The following COBL variants were observed in gnomAD, a reference collection of about 807,000 sequenced individuals.
COBL encodes the protein cordon-bleu WH2 repeat protein.
A neutral mutation model predicts 98.8 loss-of-function variants in COBL; 51 were observed. That is an observed-to-expected ratio of 0.52 (90% CI 0.41 to 0.65). COBL has a LOEUF of 0.65. Ranked by LOEUF, COBL falls within the 30% of genes least tolerant of loss-of-function variation. The pLI is 0.00. For synonymous variants in COBL, 634 were observed against 651.7 expected, an observed-to-expected ratio of 0.97 and a Z score of 0.41; for missense variants, 1,617 against 1,617.5, an observed-to-expected ratio of 1.00 and a Z score of 0.01.
At chr7:51,285,590 G>C (rs1353890924) in intron 1 of COBL, among the ~76,000 whole-genome samples, 1 of 152,180 alleles carries the variant, frequency 6.6e-6, no homozygotes, top group Non-Finnish European at 1.5e-5. Flanking sequence ...ATTGTATGCT[G>C]AGAACTACAA....
rs1790336928 is a variant in COBL, at chr7:51,193,708, GA to G, written c.246-120del. On this transcript the variant is annotated intron_variant, in intron 2 of 12. Coordinates refer to ENST00000265136, the MANE Select transcript of COBL (RefSeq NM_015198.5). ...GAATGAGCAAATTAGATATGCTTAT[GA>G]AAAAAGACAACAGAAGCTCATTAAT... is the stretch of plus-strand genomic sequence containing the variant. 3.6e-6 allele frequency: 3 copies of G among 834,886 alleles called. No homozygotes were observed. In the East Asian group the frequency reaches 8.0e-5, roughly 22 times the overall value. 51.7% of individuals were successfully genotyped at this position (834,886 alleles called of 1,614,324 possible). A position where few individuals can be genotyped will look rare whatever the true frequency, so the allele number is the denominator to read the frequency against.
intron 5 of COBL, among the ~76,000 whole-genome samples, chr7:51,148,092 A>C (rs1313026955): frequency 6.6e-6 from 1 of 152,166 alleles, no homozygotes; most frequent in African/African-American, 2.4e-5. Flanking sequence ...GCAGATATTT[A>C]AGAATGTTAG....
chr7:51,023,524 A>G, intron 12 of COBL, among the ~76,000 whole-genome samples: 1 of 152,202 alleles, frequency 6.6e-6, no homozygotes, highest in East Asian at 1.9e-4. Flanking sequence ...CCCAAGAGCC[A>G]TCACAAATGG....
chr7:51,116,930 TTA>T (rs1448599895), intron 6 of COBL, among the ~76,000 whole-genome samples: 1 of 151,976 alleles, frequency 6.6e-6, no homozygotes, highest in Admixed American at 6.6e-5. Flanking sequence ...TCACTTTCTT[TTA>T]TATATATATT....
chr7:51,210,982 T>C (rs914301082), intron 2 of COBL, among the ~76,000 whole-genome samples: 3 of 152,210 alleles, frequency 2.0e-5, no homozygotes, highest in African/African-American at 7.2e-5. Flanking sequence ...GCCTACTCTC[T>C]GTGGGTTTTC....
chr7:51,242,611 C>T (rs925544257), intron 1 of COBL, among the ~76,000 whole-genome samples: 1 of 152,142 alleles, frequency 6.6e-6, no homozygotes, highest in African/African-American at 2.4e-5. Context: ...CATAAATTGA[C>T]TCTGATCTCT....
At chr7:51,084,215 G>A (rs1371450948) in intron 7 of COBL, among the ~76,000 whole-genome samples, 1 of 152,136 alleles carries the variant, frequency 6.6e-6, no homozygotes, top group African/African-American at 2.4e-5. Context: ...TCTCACTAAA[G>A]GTCCAGAAAC....
intron 1 of COBL, among the ~76,000 whole-genome samples, chr7:51,252,161 G>A (rs1170443537): frequency 2.5e-4 from 38 of 151,970 alleles, no homozygotes; most frequent in African/African-American, 8.9e-4. Flanking sequence ...CTGTGCTTTT[G>A]TTTTGTTTTC....
At chr7:51,278,467 C>T (rs767494702) in intron 1 of COBL, among the ~76,000 whole-genome samples, 8 of 147,768 alleles carry the variant, frequency 5.4e-5, no homozygotes, top group Non-Finnish European at 1.0e-4. Flanking sequence ...GCAACCTCTG[C>T]CTCCCATGTT....
At chr7:51,068,698 T>C (rs937019413) in intron 7 of COBL, among the ~76,000 whole-genome samples, 1 of 152,180 alleles carries the variant, frequency 6.6e-6, no homozygotes, top group Non-Finnish European at 1.5e-5. Context: ...TTATATACTT[T>C]CTTTGTACAT....
chr7:51,080,531 C>A (rs1048181510), intron 7 of COBL, among the ~76,000 whole-genome samples: 3 of 152,148 alleles, frequency 2.0e-5, no homozygotes, highest in Non-Finnish European at 2.9e-5. Flanking sequence ...AGGCCTCCTG[C>A]CTCGGTTTCC....
chr7:51,085,377 G>A, intron 6 of COBL, 73 bp from the exon 7 acceptor site: 1 of 1,410,832 alleles, frequency 7.1e-7, no homozygotes, highest in Non-Finnish European at 9.6e-7. Context: ...GCAGTATTAG[G>A]GTGATTGTGC....
intron 7 of COBL, among the ~76,000 whole-genome samples, chr7:51,064,072 T>C (rs1262825881): frequency 1.3e-5 from 2 of 152,176 alleles, no homozygotes; most frequent in Non-Finnish European, 2.9e-5. Context: ...AGCAACCTGG[T>C]TGTCTGGGAG....
At chr7:51,193,274 C>T (rs975666833) in intron 3 of COBL, 105 bp downstream of exon 3, 7 of 999,082 alleles carry the variant, frequency 7.0e-6, no homozygotes, top group African/African-American at 3.3e-5. Context: ...GCAGCCTCAG[C>T]CACAGCTCTC....
chr7:51,061,717 C>T (rs557694912), intron 7 of COBL, among the ~76,000 whole-genome samples: 1 of 152,154 alleles, frequency 6.6e-6, no homozygotes, highest in Admixed American at 6.5e-5. Context: ...AGGGTCTGAA[C>T]AGAACAAAAA....
intron 7 of COBL, chr7:51,073,075 C>G: frequency 2.9e-6 from 1 of 339,370 alleles, no homozygotes; most frequent in Non-Finnish European, 5.3e-6. Flanking sequence ...GAGTTCTTCA[C>G]AGGAACATTT....
At chr7:51,054,302 C>T (rs889951054) in intron 7 of COBL, among the ~76,000 whole-genome samples, 6 of 152,072 alleles carry the variant, frequency 3.9e-5, no homozygotes, top group East Asian at 1.9e-4. Flanking sequence ...TCCTTATGGA[C>T]GGCTTTTTAA....
intron 1 of COBL, among the ~76,000 whole-genome samples, chr7:51,233,568 G>T (rs145742847): frequency 1.3e-5 from 2 of 152,172 alleles, no homozygotes; most frequent in Non-Finnish European, 2.9e-5. Context: ...CATCTCTGCC[G>T]CCTGCTGATA....
rs905147415 is a variant in COBL at position 51,074,144 on chromosome 7, T to A, written c.1096+11022A>T. Among the ~76,000 whole-genome samples the A allele has an allele frequency of 4.6e-5, 7 of 152,042 alleles. No individual in the cohort carries two copies. In the South Asian group the frequency reaches 1.5e-3, roughly 32 times the overall value. ...AAGACTATTGTCATAAGAGAATGCC[T>A]GATTCATAATCTCTATTTACTTCTT... On this transcript the variant is annotated intron_variant, in intron 7 of 12. Coordinates refer to ENST00000265136, the MANE Select transcript of COBL (RefSeq NM_015198.5).
Sources: allele counts gnomAD v4.1 joint callset (sites outside exome capture counted in the v4.1 genomes callset), GRCh38; gene constraint gnomAD v4.1.1; transcripts MANE v1.5; gene names NCBI Gene and HGNC (gene_info 2026-07-23, HGNC 2026-07-21).